The following SORCS3 variants were observed in gnomAD, a reference collection of about 807,000 sequenced individuals.
SORCS3 encodes sortilin related VPS10 domain containing receptor 3, also known as VPS10 domain-containing receptor SorCS3.
A neutral mutation model predicts 146.3 loss-of-function variants in SORCS3; 57 were observed. That is an observed-to-expected ratio of 0.39 (90% CI 0.31 to 0.49). SORCS3 has a LOEUF of 0.49. Ranked by LOEUF, SORCS3 falls within the 20% of genes least tolerant of loss-of-function variation. The pLI, the probability that SORCS3 is intolerant of heterozygous loss-of-function variation, is 0.92. For synonymous variants in SORCS3, 653 were observed against 618.5 expected, an observed-to-expected ratio of 1.06 and a Z score of -0.83; for missense variants, 1,341 against 1,575.5, an observed-to-expected ratio of 0.85 and a Z score of 2.52.
intron 1 of SORCS3, among the ~76,000 whole-genome samples, chr10:104,832,213 A>C (rs1041627535): frequency 2.0e-5 from 3 of 152,200 alleles, no homozygotes; most frequent in Non-Finnish European, 4.4e-5. Flanking sequence ...TGAAGACAAT[A>C]GGGGCACTTG....
chr10:105,263,229 T>C (rs2056971913), intron 26 of SORCS3, 81 bp from the exon 27 acceptor site: 1 of 1,376,196 alleles, frequency 7.3e-7, no homozygotes, highest in East Asian at 2.3e-5. Flanking sequence ...GGTGGCTTGG[T>C]ATTTAGCAGT....
intron 3 of SORCS3, among the ~76,000 whole-genome samples, chr10:104,973,442 G>A (rs1248161100): frequency 6.6e-6 from 1 of 152,156 alleles, no homozygotes; most frequent in East Asian, 1.9e-4. Flanking sequence ...ATGTGTTGAG[G>A]AATTTATCCA....
chr10:105,170,553 A>G (rs536740222), intron 13 of SORCS3, among the ~76,000 whole-genome samples: 109 of 152,374 alleles, frequency 7.2e-4, no homozygotes, highest in African/African-American at 2.5e-3. Context: ...AAATGGCATT[A>G]TCCCATTTAT....
intron 3 of SORCS3, among the ~76,000 whole-genome samples, chr10:104,973,438 T>C (rs372696626): frequency 1.6e-3 from 251 of 152,176 alleles, no homozygotes; most frequent in Non-Finnish European, 2.5e-3. Flanking sequence ...GTGTATGTGT[T>C]GAGGAATTTA....
intron 20 of SORCS3, among the ~76,000 whole-genome samples, chr10:105,242,476 T>TTATATATTTA (rs1554889460): frequency 1.6e-4 from 13 of 79,688 alleles, no homozygotes; most frequent in African/African-American, 6.6e-4. Context: ...ATTTATATAT[T>TTATATATTTA]TATATATTTA....
chr10:104,990,200 T>C (rs2054985218), intron 4 of SORCS3, among the ~76,000 whole-genome samples: 1 of 152,210 alleles, frequency 6.6e-6, no homozygotes, highest in African/African-American at 2.4e-5. Flanking sequence ...CCTCAGCTCT[T>C]TCACTGTCAT....
intron 1 of SORCS3, among the ~76,000 whole-genome samples, chr10:104,766,606 C>T (rs2017182681): frequency 1.3e-5 from 2 of 152,228 alleles, no homozygotes. Context: ...CTCCATACTG[C>T]TGACTGTTGG....
chr10:104,979,788 G>A (rs553750682), intron 4 of SORCS3, among the ~76,000 whole-genome samples: 6 of 152,246 alleles, frequency 3.9e-5, no homozygotes, highest in African/African-American at 1.2e-4. Flanking sequence ...TTAGCCAAAT[G>A]TCAGATAGTC....
intron 9 of SORCS3, among the ~76,000 whole-genome samples, chr10:105,156,030 A>G (rs2056205695): frequency 6.6e-6 from 1 of 152,186 alleles, no homozygotes; most frequent in African/African-American, 2.4e-5. Flanking sequence ...CTTCTGTGAA[A>G]CTCTTACCAT....
At chr10:104,857,355 G>C (rs1400380488) in intron 2 of SORCS3, among the ~76,000 whole-genome samples, 9 of 152,134 alleles carry the variant, frequency 5.9e-5, no homozygotes, top group African/African-American at 1.9e-4. Flanking sequence ...TAGAATAATT[G>C]CTGTGTTTTA....
intron 18 of SORCS3, 114 bp downstream of exon 18, chr10:105,214,727 G>A: frequency 1.9e-6 from 2 of 1,036,718 alleles, no homozygotes; most frequent in South Asian, 3.5e-5. Flanking sequence ...ATGGTGAGAA[G>A]CTGAAATTTC....
intron 4 of SORCS3, among the ~76,000 whole-genome samples, chr10:105,040,241 TC>T (rs2055330670): frequency 6.6e-6 from 1 of 152,014 alleles, no homozygotes; most frequent in African/African-American, 2.4e-5. Context: ...CTGCTGCTTT[TC>T]CCCACCTCTC....
chr10:105,245,586 A>G lies in SORCS3; in HGVS notation c.2913A>G (p.Ala971=), dbSNP rs1295489132. The G allele has an allele frequency of 3.1e-6, 5 of 1,614,140 alleles. No individual in the cohort carries two copies. The South Asian group carries it at 4.4e-5, about 14-fold the overall frequency. The change falls in exon 21 of 27, where the codon GCA becomes GCG. Residue 971 remains alanine (A), a synonymous_variant. Coordinates refer to ENST00000369701, the MANE Select transcript of SORCS3 (RefSeq NM_014978.3). ...LDSSISFTFL[A]EGTDTITVQV... The stretch of plus-strand genomic sequence containing the variant: ...GCAGCATTTCCTTCACATTCCTTGC[A>G]GAAGGAACCGACACCATCACAGTCC...
At chr10:104,904,292 G>A (rs1304351046) in intron 2 of SORCS3, among the ~76,000 whole-genome samples, 1 of 152,140 alleles carries the variant, frequency 6.6e-6, no homozygotes, top group Non-Finnish European at 1.5e-5. Context: ...GCCCAATGTT[G>A]CAAGCATGCA....
intron 4 of SORCS3, among the ~76,000 whole-genome samples, chr10:104,984,900 T>TA (rs1259081600): frequency 6.6e-6 from 1 of 152,324 alleles, no homozygotes; most frequent in East Asian, 1.9e-4. Flanking sequence ...ACCTTATTGC[T>TA]AAAAAATGCT....
intron 2 of SORCS3, among the ~76,000 whole-genome samples, chr10:104,882,373 A>C (rs1377980906): frequency 6.6e-6 from 1 of 152,146 alleles, no homozygotes; most frequent in African/African-American, 2.4e-5. Flanking sequence ...GGCTTCAGAT[A>C]CTCTTAGAGC....
chr10:104,860,515 C>T (rs2018388800), intron 2 of SORCS3, among the ~76,000 whole-genome samples: 2 of 149,294 alleles, frequency 1.3e-5, no homozygotes, highest in Admixed American at 6.7e-5. Context: ...CACATGTATA[C>T]ACATGTAACT....
At chr10:105,235,251 C>T (rs571837796) in intron 20 of SORCS3, among the ~76,000 whole-genome samples, 2 of 152,008 alleles carry the variant, frequency 1.3e-5, no homozygotes, top group Non-Finnish European at 2.9e-5. Flanking sequence ...TGAGAGCAGA[C>T]CTTGTTAAAA....
At chr10:105,260,008 CG>C (rs1326158564) in intron 25 of SORCS3, among the ~76,000 whole-genome samples, 1 of 152,042 alleles carries the variant, frequency 6.6e-6, no homozygotes, top group African/African-American at 2.4e-5. Context: ...GTCCTACAAG[CG>C]GATGTGTTAA....
Sources: allele counts gnomAD v4.1 joint callset (sites outside exome capture counted in the v4.1 genomes callset), GRCh38; gene constraint gnomAD v4.1.1; transcripts MANE v1.5; gene names NCBI Gene and HGNC (gene_info 2026-07-23, HGNC 2026-07-21).